The following XNDC1N variants were observed in gnomAD, a reference collection of about 807,000 sequenced individuals.
The protein encoded by XNDC1N is protein XNDC1N.
the XNDC1N span, among the ~76,000 whole-genome samples, chr11:71,892,592 T>G: frequency 4.6e-5 from 7 of 152,158 alleles, no homozygotes; most frequent in African/African-American, 2.4e-5. Flanking sequence ...TCCTGTCACA[T>G]GGTGTCCAAT....
At chr11:71,884,860 G>A in the XNDC1N span, among the ~76,000 whole-genome samples, 2 of 148,620 alleles carry the variant, frequency 1.3e-5, no homozygotes, top group African/African-American at 2.5e-5. Context: ...CCTATCGCAG[G>A]GGGGTGAGGC....
the XNDC1N span, among the ~76,000 whole-genome samples, chr11:71,894,971 A>G: frequency 6.6e-6 from 1 of 152,192 alleles, no homozygotes; most frequent in Admixed American, 6.5e-5. Flanking sequence ...TATAGAATCT[A>G]TTTAGGCAGG....
chr11:71,884,361 A>G, the XNDC1N span: 1 of 1,484,918 alleles, frequency 6.7e-7, no homozygotes, highest in Non-Finnish European at 9.0e-7. Context: ...TTAAACATAA[A>G]AAGTAAGTAA....
At chr11:71,902,677 T>TATCA in the XNDC1N span, among the ~76,000 whole-genome samples, 1 of 152,272 alleles carries the variant, frequency 6.6e-6, no homozygotes. Flanking sequence ...GCTTATGAAC[T>TATCA]ATCAACTTCC....
chr11:71,907,186 G>A, the XNDC1N span, among the ~76,000 whole-genome samples: 14 of 152,246 alleles, frequency 9.2e-5, no homozygotes, highest in East Asian at 2.5e-3. Flanking sequence ...ATCACAGGGT[G>A]TATACCCCCG....
chr11:71,903,351 A>G, the XNDC1N span: 15 of 1,456,214 alleles, frequency 1.0e-5, no homozygotes, highest in Non-Finnish European at 1.3e-5. Flanking sequence ...CCTGACTCCC[A>G]CCTCCACACC....
the XNDC1N span, chr11:71,893,422 T>C: frequency 1.4e-6 from 1 of 711,078 alleles, no homozygotes; most frequent in Non-Finnish European, 2.6e-6. Flanking sequence ...TTTTATCTTT[T>C]ATTTTTCCAA....
chr11:71,904,032 G>T, the XNDC1N span: 1 of 523,148 alleles, frequency 1.9e-6, no homozygotes, highest in Admixed American at 1.9e-5. Context: ...TGTACACGGT[G>T]GTCACCCCCA....
At chr11:71,893,337 A>C in the XNDC1N span, 1 of 563,656 alleles carries the variant, frequency 1.8e-6, no homozygotes, top group Non-Finnish European at 3.2e-6. Context: ...ACTGAGAAAC[A>C]TTGCTGGCGG....
the XNDC1N span, among the ~76,000 whole-genome samples, chr11:71,888,790 C>T: frequency 6.6e-6 from 1 of 152,216 alleles, no homozygotes; most frequent in Non-Finnish European, 1.5e-5. Context: ...TAACGAATGC[C>T]ACACTCACCG....
the XNDC1N span, among the ~76,000 whole-genome samples, chr11:71,898,580 C>A: frequency 6.6e-6 from 1 of 152,108 alleles, no homozygotes; most frequent in Non-Finnish European, 1.5e-5. Context: ...GCACTCCAGC[C>A]GGGGTGACAG....
At chr11:71,896,828 G>T in the XNDC1N span, among the ~76,000 whole-genome samples, 1 of 152,180 alleles carries the variant, frequency 6.6e-6, no homozygotes, top group Non-Finnish European at 1.5e-5. Context: ...CCTCCCAAAG[G>T]GCTGGGATTA....
chr11:71,886,251 C>T, the XNDC1N span, among the ~76,000 whole-genome samples: 1 of 152,146 alleles, frequency 6.6e-6, no homozygotes, highest in Non-Finnish European at 1.5e-5. Flanking sequence ...AAACTGTTAT[C>T]CAGACCCACA....
At chr11:71,913,740 T>A in the XNDC1N span, among the ~76,000 whole-genome samples, 2 of 145,026 alleles carry the variant, frequency 1.4e-5, no homozygotes, top group Admixed American at 6.8e-5. Flanking sequence ...AGAAGAGAAG[T>A]CAACGCCTGG....
the XNDC1N span, chr11:71,884,391 T>C: frequency 6.4e-7 from 1 of 1,564,036 alleles, no homozygotes; most frequent in Non-Finnish European, 8.7e-7. Context: ...ATATAATTTG[T>C]CTTCTCTTTT....
the XNDC1N span, among the ~76,000 whole-genome samples, chr11:71,921,901 C>G: frequency 4.6e-3 from 700 of 152,274 alleles, 3 homozygotes; most frequent in African/African-American, 0.016. Context: ...TGGCTCACAC[C>G]TGTAAATCTC....
chr11:71,889,693 G>A, the XNDC1N span, among the ~76,000 whole-genome samples: 2 of 152,186 alleles, frequency 1.3e-5, no homozygotes, highest in African/African-American at 2.4e-5. Context: ...GCAGCCATGT[G>A]TTACCTGCCG....
chr11:71,887,166 C>T, the XNDC1N span, among the ~76,000 whole-genome samples: 10 of 152,262 alleles, frequency 6.6e-5, no homozygotes, highest in South Asian at 1.5e-3. Context: ...TTGTAGATAG[C>T]GGTGCTGAAC....
At chr11:71,895,241 T>C in the XNDC1N span, among the ~76,000 whole-genome samples, 2 of 152,186 alleles carry the variant, frequency 1.3e-5, no homozygotes, top group African/African-American at 4.8e-5. Flanking sequence ...TATCTTCAAA[T>C]GCATTGTCCA....
Sources: allele counts gnomAD v4.1 joint callset (sites outside exome capture counted in the v4.1 genomes callset), GRCh38; gene constraint gnomAD v4.1.1; transcripts MANE v1.5; gene names NCBI Gene and HGNC (gene_info 2026-07-23, HGNC 2026-07-21).